The following CAST variants were observed in gnomAD, a reference collection of about 807,000 sequenced individuals.
CAST encodes the protein calpastatin, also known as MIR583 host.
CAST carries 76 observed loss-of-function variants against 119.6 expected under a neutral mutation model. The observed-to-expected ratio is 0.64, with a 90% CI of 0.53 to 0.77. CAST has a LOEUF of 0.77. CAST is among the 30% of genes least tolerant of loss of function. The pLI, the probability that CAST is intolerant of heterozygous loss-of-function variation, is 0.00. For synonymous variants in CAST, 319 were observed against 331.6 expected (o/e 0.96, Z 0.41); for missense variants, 953 against 946.5 (o/e 1.01, Z -0.09).
At chr5:96,164,033 A>T in the CAST span, among the ~76,000 whole-genome samples, 2 of 152,198 alleles carry the variant, frequency 1.3e-5, no homozygotes, top group Non-Finnish European at 2.9e-5. Flanking sequence ...GAATTGGTAC[A>T]TGAAAAAAAA....
chr5:96,377,058 A>C, the CAST span, among the ~76,000 whole-genome samples: 8 of 152,132 alleles, frequency 5.3e-5, no homozygotes, highest in Non-Finnish European at 8.8e-5. Flanking sequence ...TTATAGAATA[A>C]GGACATAAAG....
chr5:96,008,366 T>A, the CAST span, among the ~76,000 whole-genome samples: 1 of 152,210 alleles, frequency 6.6e-6, no homozygotes, highest in African/African-American at 2.4e-5. Context: ...GAAGACAATA[T>A]CCTTATGTTT....
At chr5:96,149,508 G>A in the CAST span, among the ~76,000 whole-genome samples, 1 of 152,172 alleles carries the variant, frequency 6.6e-6, no homozygotes, top group Admixed American at 6.5e-5. Context: ...CAGCCTCATT[G>A]AAATGCAGTG....
chr5:96,069,655 C>CTTTT, the CAST span, among the ~76,000 whole-genome samples: 1,246 of 78,500 alleles, frequency 0.016, 7 homozygotes, highest in East Asian at 0.025. Flanking sequence ...GGTAATTAAA[C>CTTTT]TTTTTTTTTT....
At chr5:96,237,341 A>G in the CAST span, among the ~76,000 whole-genome samples, 271 of 152,286 alleles carry the variant, frequency 1.8e-3, no homozygotes, top group African/African-American at 6.1e-3. Flanking sequence ...TTTTGCTTAT[A>G]TAAGTCTTAT....
chr5:96,058,670 G>A, the CAST span, among the ~76,000 whole-genome samples: 4 of 152,050 alleles, frequency 2.6e-5, no homozygotes, highest in Non-Finnish European at 4.4e-5. Flanking sequence ...AACTGGGATG[G>A]GATACCCAGG....
chr5:96,046,059 A>G, the CAST span, among the ~76,000 whole-genome samples: 1 of 152,172 alleles, frequency 6.6e-6, no homozygotes, highest in Non-Finnish European at 1.5e-5. Flanking sequence ...AGAAAAAAAC[A>G]GAGCAAGTAC....
chr5:95,978,272 A>G, the CAST span, among the ~76,000 whole-genome samples: 387 of 152,330 alleles, frequency 2.5e-3, no homozygotes, highest in Admixed American at 4.2e-3. Flanking sequence ...CCAACAGTGT[A>G]TATGTGTTCT....
At position 96,636,968 on chromosome 5, in the gene CAST, CA is replaced by C. The variant is rs201685915; in HGVS notation, c.61-38570del. On this transcript the variant is annotated intron_variant, in intron 1 of 11. Transcript: ENST00000505143. ...GAGGTGCAGCTTCAGCAGATCCTGG[CA>C]GGGGGGTCAGAGCTGGAATAGATCA... Among the ~76,000 whole-genome samples, 1,087 of 146,322 alleles carry C rather than the reference CA, an allele frequency of 7.4e-3. 15 individuals carry two copies. Among genetic ancestry groups the C allele is most frequent in the South Asian group, 0.027 (125 of 4,612 alleles).
chr5:96,768,556 A>G, intron 29 of CAST: 1 of 349,784 alleles, frequency 2.9e-6, no homozygotes, highest in Non-Finnish European at 5.5e-6. Context: ...CACTTATAAA[A>G]CACTGCTTAA....
chr5:96,505,129 A>T, the CAST span, among the ~76,000 whole-genome samples: 1 of 152,362 alleles, frequency 6.6e-6, no homozygotes, highest in East Asian at 1.9e-4. Context: ...AAGGAGCCGA[A>T]CTGCTGGATC....
chr5:96,335,940 C>G, the CAST span, among the ~76,000 whole-genome samples: 1 of 152,186 alleles, frequency 6.6e-6, no homozygotes, highest in South Asian at 2.1e-4. Flanking sequence ...CCTACCACCA[C>G]TACCCTATCT....
At chr5:96,040,381 C>T in the CAST span, among the ~76,000 whole-genome samples, 2 of 152,114 alleles carry the variant, frequency 1.3e-5, no homozygotes, top group Non-Finnish European at 2.9e-5. Context: ...TTTTGCCTGA[C>T]TGCCCTGGCC....
the CAST span, among the ~76,000 whole-genome samples, chr5:96,162,510 C>T: frequency 4.6e-5 from 7 of 152,078 alleles, no homozygotes; most frequent in Non-Finnish European, 1.0e-4. Context: ...TTCTGCCTCC[C>T]GGGTTCAAGC....
the CAST span, among the ~76,000 whole-genome samples, chr5:95,997,377 C>T: frequency 6.6e-6 from 1 of 152,114 alleles, no homozygotes; most frequent in Non-Finnish European, 1.5e-5. Flanking sequence ...TTGAGAAAAA[C>T]AGCATTTGTG....
the CAST span, among the ~76,000 whole-genome samples, chr5:96,053,585 A>T: frequency 1.3e-5 from 2 of 152,174 alleles, no homozygotes; most frequent in Non-Finnish European, 2.9e-5. Flanking sequence ...TTGCAATTTA[A>T]AAAATCGGTA....
the CAST span, among the ~76,000 whole-genome samples, chr5:96,177,338 C>G: frequency 2.0e-5 from 3 of 152,142 alleles, no homozygotes; most frequent in African/African-American, 7.2e-5. Context: ...TATGTTGAAA[C>G]CACACTAAGT....
At chr5:96,012,829 T>C in the CAST span, among the ~76,000 whole-genome samples, 1 of 152,150 alleles carries the variant, frequency 6.6e-6, no homozygotes, top group Non-Finnish European at 1.5e-5. Flanking sequence ...AGTTGTGCCA[T>C]TTTTTTAGCA....
the CAST span, among the ~76,000 whole-genome samples, chr5:96,388,288 T>C: frequency 5.3e-5 from 8 of 152,368 alleles, no homozygotes; most frequent in South Asian, 1.2e-3. Flanking sequence ...ACATACAGGC[T>C]TAGTTAGACT....
Sources: gnomAD v4.1 joint callset for allele counts (sites outside exome capture counted in the v4.1 genomes callset) on GRCh38, gnomAD v4.1.1 for gene constraint, MANE v1.5 for transcripts, NCBI Gene and HGNC (gene_info 2026-07-23, HGNC 2026-07-21) for gene names.